The following CMYA5 variants were observed in gnomAD, a reference collection of about 807,000 sequenced individuals.
CMYA5 encodes the protein cardiomyopathy-associated protein 5.
CMYA5 carries 246 observed loss-of-function variants against 318.9 expected under a neutral mutation model. The ratio of observed to expected loss-of-function variants is 0.77; its 90% confidence interval spans 0.70 to 0.86. CMYA5 has a LOEUF of 0.86. Ranked by LOEUF, CMYA5 falls within the 40% of genes least tolerant of loss-of-function variation. The pLI, the probability that CMYA5 is intolerant of heterozygous loss-of-function variation, is 0.00. For synonymous variants in CMYA5, 1,641 were observed against 1,729.5 expected (o/e 0.95, Z 1.27); for missense variants, 4,589 against 4,678.2 (o/e 0.98, Z 0.56).
chr5:79,692,009 G>A (rs558455017), intron 1 of CMYA5, among the ~76,000 whole-genome samples: 34 of 152,360 alleles, frequency 2.2e-4, no homozygotes, highest in Non-Finnish European at 4.1e-4. Flanking sequence ...CTTGGAATCA[G>A]TGGAAAGGAA....
chr5:79,734,825 A>G lies in CMYA5; in HGVS notation c.6060A>G (p.Leu2020=), dbSNP rs754160350. 9 of 1,613,660 alleles carry G rather than the reference A, an allele frequency of 5.6e-6. No homozygotes were observed. Among genetic ancestry groups the G allele is most frequent in the African/African-American group, 5.3e-5 (4 of 74,904 alleles). ...CTTTGATGGAGAGTGAAAGTTTGCTATTGGAGAAAGCAAACACAGAGCTTT... is the reference window on the plus strand; with the variant it reads ...CTTTGATGGAGAGTGAAAGTTTGCTGTTGGAGAAAGCAAACACAGAGCTTT... ...IHSLMESESL[L]LEKANTELSW... The change falls in exon 2 of 13, where the codon CTA becomes CTG. Residue 2020 remains leucine, a synonymous_variant. Coordinates refer to ENST00000446378, the MANE Select transcript of CMYA5 (RefSeq NM_153610.5).
At position 79,730,992 on chromosome 5, in the gene CMYA5, A is replaced by G. The variant is rs1233766839; in HGVS notation, c.2227A>G (p.Thr743Ala). Reference protein sequence around the residue: ...SEEKEDTGSFTPAVAPASEPS... With the variant: ...SEEKEDTGSFAPAVAPASEPS... The stretch of plus-strand genomic sequence containing the variant: ...AGAGAAGGAAGACACTGGATCGTTT[A>G]CTCCAGCTGTGGCCCCTGCTTCTGA... Residue 743 changes from threonine (T) to alanine (A), a missense_variant, in exon 2 of 13, where the codon ACT becomes GCT. Coordinates refer to ENST00000446378, the MANE Select transcript of CMYA5 (RefSeq NM_153610.5). 6.2e-7 allele frequency: 1 copy of G among 1,612,762 alleles called. No homozygotes were observed. Among genetic ancestry groups the G allele is most frequent in the Non-Finnish European group, 8.5e-7 (1 of 1,179,648 alleles).
chr5:79,784,558 G>A (rs1829045672), intron 9 of CMYA5, among the ~76,000 whole-genome samples: 2 of 92,238 alleles, frequency 2.2e-5, no homozygotes, highest in South Asian at 8.5e-4. Flanking sequence ...TGCTGTGCTA[G>A]CAATCAGCGA....
At chr5:79,768,167 A>G (rs1305106797) in intron 9 of CMYA5, among the ~76,000 whole-genome samples, 1 of 150,744 alleles carries the variant, frequency 6.6e-6, no homozygotes, top group Non-Finnish European at 1.5e-5. Flanking sequence ...GTATTCCTCC[A>G]TCCCTTTATT....
At position 79,735,505 on chromosome 5, in the gene CMYA5, A is replaced by G; in HGVS notation, c.6740A>G (p.Asp2247Gly). Reference protein sequence around the residue: ...SLSEVKLKTADEPRGTLVKSG... With the variant: ...SLSEVKLKTAGEPRGTLVKSG... ...TCAGAGGTAAAACTTAAAACTGCTGATGAACCCAGAGGTACTTTAGTAAAA... is the reference window on the plus strand; with the variant it reads ...TCAGAGGTAAAACTTAAAACTGCTGGTGAACCCAGAGGTACTTTAGTAAAA... The change falls in exon 2 of 13, where the codon GAT becomes GGT. Residue 2247 changes from aspartate to glycine, a missense_variant. Asp to Gly is a moderately conservative substitution (Grantham distance 94). Around this residue, in one of 3 missense-constraint regions of CMYA5, gnomAD observed 2,431 missense variants for 2,495.1 expected, o/e 0.97. Coordinates refer to ENST00000446378, the MANE Select transcript of CMYA5 (RefSeq NM_153610.5). 6.2e-7 allele frequency: 1 copy of G among 1,613,762 alleles called. No homozygotes were observed. Among genetic ancestry groups the G allele is most frequent in the Non-Finnish European group, 8.5e-7 (1 of 1,179,780 alleles).
chr5:79,726,580 G>A (rs1468638783), intron 1 of CMYA5, among the ~76,000 whole-genome samples: 1 of 152,194 alleles, frequency 6.6e-6, no homozygotes, highest in Non-Finnish European at 1.5e-5. Flanking sequence ...TTCACTCATG[G>A]CATGTATAGA....
chr5:79,711,551 C>T (rs148789998), intron 1 of CMYA5, among the ~76,000 whole-genome samples: 3 of 152,306 alleles, frequency 2.0e-5, no homozygotes, highest in African/African-American at 4.8e-5. Flanking sequence ...GCAAAGGCTA[C>T]ATTGGAGAAA....
In CMYA5 at chr5:79,732,828, ACAGCAT is replaced by A; in HGVS notation, c.4065_4070del (p.Ala1356_Ser1357del). On this transcript the variant is annotated inframe_deletion, in exon 2 of 13. Coordinates refer to ENST00000446378, the MANE Select transcript of CMYA5 (RefSeq NM_153610.5). ...AATTGAACCCAGTTCCTCAACAACTACAGCATCTGTAACTAAGCTTGATTCAAACTT... is the reference window on the plus strand; with the variant it reads ...AATTGAACCCAGTTCCTCAACAACTACTGTAACTAAGCTTGATTCAAACTT... 1 of 1,613,774 alleles carries A rather than the reference ACAGCAT, an allele frequency of 6.2e-7. No homozygotes were observed. Among genetic ancestry groups the A allele is most frequent in the South Asian group, 1.1e-5 (1 of 91,046 alleles).
At chr5:79,768,176 T>C (rs1003836921) in intron 9 of CMYA5, among the ~76,000 whole-genome samples, 5 of 152,184 alleles carry the variant, frequency 3.3e-5, no homozygotes, top group Non-Finnish European at 7.4e-5. Context: ...CATCCCTTTA[T>C]TTTGAGCCTA....
intron 9 of CMYA5, among the ~76,000 whole-genome samples, chr5:79,777,764 A>C (rs1828966427): frequency 6.6e-6 from 1 of 151,876 alleles, no homozygotes; most frequent in South Asian, 2.1e-4. Flanking sequence ...GACAAGAGTG[A>C]CACTGCATCT....
intron 6 of CMYA5, 94 bp from the exon 7 acceptor site, chr5:79,758,659 A>G: frequency 1.9e-6 from 2 of 1,032,472 alleles, no homozygotes; most frequent in Non-Finnish European, 2.7e-6. Context: ...GTATTTCTGT[A>G]TTCTTTGAAT....
intron 1 of CMYA5, among the ~76,000 whole-genome samples, chr5:79,701,578 G>A (rs983875006): frequency 6.6e-6 from 1 of 152,176 alleles, no homozygotes; most frequent in Non-Finnish European, 1.5e-5. Flanking sequence ...TGTTGGGAGA[G>A]GATGCGGAAG....
intron 9 of CMYA5, among the ~76,000 whole-genome samples, chr5:79,785,136 A>G (rs1012324841): frequency 2.6e-5 from 4 of 151,746 alleles, no homozygotes; most frequent in East Asian, 1.9e-4. Context: ...GTTTGGGTCT[A>G]TTCCTGACCT....
chr5:79,715,533 C>T lies in CMYA5; in HGVS notation c.150-13382C>T, dbSNP rs113780754. ...CGATCTCCTGACCTCGTCATCCACCCGCCTCGGCCTCCCAAAGTGCTGGGA... is the reference window on the plus strand; with the variant it reads ...CGATCTCCTGACCTCGTCATCCACCTGCCTCGGCCTCCCAAAGTGCTGGGA... On this transcript the variant is annotated intron_variant, in intron 1 of 12. Transcript: ENST00000446378. Among the ~76,000 whole-genome samples, 1,177 of 152,054 alleles carry T rather than the reference C, an allele frequency of 7.7e-3. 23 individuals carry two copies. The highest frequency in any genetic ancestry group is 0.028 in the African/African-American group (1,143 of 41,466).
rs143726661 is a variant in CMYA5, at chr5:79,738,542, C to T, written c.9777C>T (p.Gly3259=). 1.1e-5 allele frequency: 18 copies of T among 1,613,302 alleles called. No homozygotes were observed. Among genetic ancestry groups the T allele is most frequent in the Admixed American group, 5.0e-5 (3 of 59,982 alleles). ...HDTSLTQKDQ[G]QGLEEKRVGK... ...CATCTCTAACTCAAAAGGACCAGGGCCAAGGTCTGGAAGAAAAACGAGTTG... is the reference window on the plus strand; with the variant it reads ...CATCTCTAACTCAAAAGGACCAGGGTCAAGGTCTGGAAGAAAAACGAGTTG... The change falls in exon 2 of 13, where the codon GGC becomes GGT. Residue 3259 remains glycine, a synonymous_variant. Transcript: ENST00000446378.
In CMYA5 at chr5:79,745,334, A is replaced by G; in HGVS notation, c.10847A>G (p.Lys3616Arg). ...CAGAGCTTTGAGGAAGTGAAGAAGA[A>G]GAAGATGGAGTTCCTGCATGAGCAG... The part of the protein sequence containing the change: ...KAQSFEEVKK[K>R]KMEFLHEQMV... The change falls in exon 4 of 13, where the codon AAG (lysine) becomes AGG (arginine). Residue 3616 changes from lysine (K) to arginine (R), a missense_variant. Lys to Arg is a conservative substitution (Grantham distance 26). This residue lies in a region of CMYA5 where 2,431 missense variants were observed against 2,495.1 expected (regional missense o/e 0.97). Coordinates refer to ENST00000446378, the MANE Select transcript of CMYA5 (RefSeq NM_153610.5). 3 of 1,613,936 alleles carry G rather than the reference A, an allele frequency of 1.9e-6. No individual in the cohort carries two copies. The South Asian group carries it at 3.3e-5, about 18-fold the overall frequency.
In CMYA5 at chr5:79,763,027, A is replaced by G. The variant is rs368777974; in HGVS notation, c.11408-35A>G. 1.5e-5 allele frequency: 23 copies of G among 1,581,430 alleles called. No homozygotes were observed. In the African/African-American group the frequency reaches 3.0e-4, roughly 20 times the overall value. On this transcript the variant is annotated intron_variant, in intron 8 of 12. Transcript: ENST00000446378. ...TCAGGTCCCAGGAAAGCAAGCTGGC[A>G]TTGCTCCACGACTGTCCTGACTCTC...
At position 79,728,968 on chromosome 5, in the gene CMYA5, A is replaced by G; in HGVS notation, c.203A>G (p.Asp68Gly). 2 of 1,613,172 alleles carry G rather than the reference A, an allele frequency of 1.2e-6. No individual in the cohort carries two copies. Among genetic ancestry groups the G allele is most frequent in the Non-Finnish European group, 8.5e-7 (1 of 1,179,428 alleles). The change falls in exon 2 of 13, where the codon GAC (aspartate) becomes GGC (glycine). Residue 68 changes from aspartate to glycine, a missense_variant. Coordinates refer to ENST00000446378, the MANE Select transcript of CMYA5 (RefSeq NM_153610.5). ...ATCAAGCAGGAGTATATCATATCTG[A>G]CCCCTCCTTTTCCATGGTGACAGTC... ...GKIKQEYIIS[D>G]PSFSMVTVQR...
At chr5:79,785,974 G>T (rs187952745) in intron 9 of CMYA5, among the ~76,000 whole-genome samples, 2 of 152,326 alleles carry the variant, frequency 1.3e-5, no homozygotes, top group Admixed American at 6.5e-5. Flanking sequence ...AGCATCAGCT[G>T]CTGGGGGCTT....
Sources: gnomAD v4.1 joint callset for allele counts (sites outside exome capture counted in the v4.1 genomes callset) on GRCh38, gnomAD v4.1.1 for gene constraint, gnomAD v4.1.1 regional missense constraint, MANE v1.5 for transcripts, NCBI Gene and HGNC (gene_info 2026-07-23, HGNC 2026-07-21) for gene names.